Variants in DYRK1A observed in about 807,000 individuals in gnomAD.
DYRK1A encodes dual specificity tyrosine-phosphorylation-regulated kinase 1A.
A neutral mutation model predicts 79.7 loss-of-function variants in DYRK1A; 9 were observed. That is an observed-to-expected ratio of 0.11 (90% CI 0.07 to 0.20). The LOEUF is 0.20. Among genes scored for constraint, DYRK1A ranks in the 10% least tolerant of loss-of-function variants. DYRK1A has a pLI of 1.00. For missense variants in DYRK1A, 622 were observed against 956.0 expected, an observed-to-expected ratio of 0.65 and a Z score of 4.61; for synonymous variants, 349 against 329.7, an observed-to-expected ratio of 1.06 and a Z score of -0.63.
intron 1 of DYRK1A, chr21:37,419,807 G>A (rs970804478): frequency 6.6e-6 from 1 of 152,196 alleles, no homozygotes; most frequent in African/African-American, 2.4e-5. Context: ...TTGTGGACTT[G>A]GGGGAGCGGT....
chr21:37,391,856 C>T lies in DYRK1A; in HGVS notation c.-77+24228C>T, dbSNP rs531765895. On this transcript the variant is annotated intron_variant, in intron 1 of 11. Coordinates refer to ENST00000647188, the MANE Select transcript of DYRK1A (RefSeq NM_001347721.2). The stretch of plus-strand genomic sequence containing the variant: ...GGAGCATACTGTGCTTTTCTGATAA[C>T]GTTTTCTATATGGCACAGAGCCTCT... Among the ~76,000 whole-genome samples, 103 of 152,318 alleles carry T rather than the reference C, an allele frequency of 6.8e-4. 1 individual carries two copies. The highest frequency in any genetic ancestry group is 2.4e-3 in the African/African-American group (99 of 41,558).
At chr21:37,510,067 G>GT (rs2053706943) in intron 11 of DYRK1A, among the ~76,000 whole-genome samples, 1 of 152,226 alleles carries the variant, frequency 6.6e-6, no homozygotes, top group Non-Finnish European at 1.5e-5. Context: ...GTCCTCTGCA[G>GT]TTTCAGGCAT....
At position 37,517,947 on chromosome 21, in the gene DYRK1A, TTGG is replaced by T. The variant is rs1225874398; in HGVS notation, c.*5422_*5424del. The T allele has an allele frequency of 6.6e-6, 1 of 152,188 alleles. No homozygotes were observed. Among genetic ancestry groups the T allele is most frequent in the Non-Finnish European group, 1.5e-5 (1 of 68,050 alleles). The allele number at this position is 152,188 out of a possible 1,614,324, so 9.4% of individuals were successfully genotyped here. A position where few individuals can be genotyped will look rare whatever the true frequency, so the allele number is the denominator to read the frequency against. ...CTGGCTTTGTCACGCAAGCTGGAGT[TTGG>T]TGGTGTGATTGCAGCTCACTGCAGC... On this transcript the variant is annotated 3_prime_UTR_variant, in exon 12 of 12. Coordinates refer to ENST00000647188, the MANE Select transcript of DYRK1A (RefSeq NM_001347721.2).
chr21:37,495,152 TTGTGTGTGTG>T (rs56226706), intron 8 of DYRK1A, among the ~76,000 whole-genome samples: 2,034 of 137,720 alleles, frequency 0.015, 24 homozygotes, highest in South Asian at 0.024. Context: ...CTCTGGGATT[TTGTGTGTGTG>T]TGTGTGTGTG....
In DYRK1A at chr21:37,388,834, C is replaced by T. The variant is rs1022589636; in HGVS notation, c.-77+21206C>T. Among the ~76,000 whole-genome samples the T allele has an allele frequency of 2.6e-5, 4 of 151,608 alleles. No homozygotes were observed. In the South Asian group the frequency reaches 8.4e-4, roughly 32 times the overall value. The stretch of plus-strand genomic sequence containing the variant: ...TAATTTTTTGTATTTTTAGTAGAGA[C>T]GGGGTTTCACTGTGTTAGCCAGGTT... On this transcript the variant is annotated intron_variant, in intron 1 of 11. Coordinates refer to ENST00000647188, the MANE Select transcript of DYRK1A (RefSeq NM_001347721.2).
intron 1 of DYRK1A, among the ~76,000 whole-genome samples, chr21:37,381,861 T>A (rs973448433): frequency 3.3e-5 from 5 of 152,190 alleles, no homozygotes; most frequent in Non-Finnish European, 4.4e-5. Context: ...ACAGAATAGT[T>A]CATTTGGATT....
At chr21:37,406,441 A>G (rs1037886360) in intron 1 of DYRK1A, among the ~76,000 whole-genome samples, 2 of 152,138 alleles carry the variant, frequency 1.3e-5, no homozygotes, top group African/African-American at 4.8e-5. Context: ...CAAGTCTGTA[A>G]TCCTAGTGCT....
intron 2 of DYRK1A, among the ~76,000 whole-genome samples, chr21:37,443,412 C>T (rs2051168883): frequency 6.6e-6 from 1 of 152,186 alleles, no homozygotes; most frequent in African/African-American, 2.4e-5. Context: ...TGTCTTTCTG[C>T]TTTTGTGCGT....
At position 37,434,318 on chromosome 21, in the gene DYRK1A, G is replaced by A. The variant is rs16995107; in HGVS notation, c.10+13934G>A. 9.1e-3 allele frequency among the ~76,000 whole-genome samples: 1,378 copies of A among 152,256 alleles called. 19 individuals carry two copies. The highest frequency in any genetic ancestry group is 0.032 in the African/African-American group (1,322 of 41,554). ...AATGAATCTGTACTCTATTTAGGAG[G>A]AGATAATTGCTAGGCTAGGTGGGAC... is the stretch of plus-strand genomic sequence containing the variant. On this transcript the variant is annotated intron_variant, in intron 2 of 11. Coordinates refer to ENST00000647188, the MANE Select transcript of DYRK1A (RefSeq NM_001347721.2).
At chr21:37,425,756 C>G (rs1023203500) in intron 2 of DYRK1A, 2 of 152,176 alleles carry the variant, frequency 1.3e-5, no homozygotes, top group Non-Finnish European at 2.9e-5. Flanking sequence ...ACTAGGTGAA[C>G]AGTATCCCCA....
intron 1 of DYRK1A, among the ~76,000 whole-genome samples, chr21:37,369,848 T>G (rs1244575952): frequency 1.3e-5 from 2 of 152,260 alleles, no homozygotes; most frequent in Non-Finnish European, 2.9e-5. Flanking sequence ...AATATTTTGG[T>G]GGAACCTATT....
intron 1 of DYRK1A, among the ~76,000 whole-genome samples, chr21:37,395,718 A>G (rs2049949007): frequency 6.6e-6 from 1 of 152,122 alleles, no homozygotes; most frequent in African/African-American, 2.4e-5. Context: ...TTTTGGCTAT[A>G]TTATTTTAAT....
At position 37,487,009 on chromosome 21, in the gene DYRK1A, G is replaced by C. The variant is rs765392876; in HGVS notation, c.637+395G>C. 50 of 153,578 alleles carry C rather than the reference G, an allele frequency of 3.3e-4. 1 individual carries two copies. Among genetic ancestry groups the C allele is most frequent in the South Asian group, 1.0e-3 (5 of 4,838 alleles). The allele number at this position is 153,578 out of a possible 1,614,324, so 9.5% of individuals were successfully genotyped here. On this transcript the variant is annotated intron_variant, in intron 6 of 11. Coordinates refer to ENST00000647188, the MANE Select transcript of DYRK1A (RefSeq NM_001347721.2). ...TCTTAGTGGTTGTGGAACCATTTTT[G>C]GGGCATCTGCAACAAGATCTCAGGC...
At chr21:37,368,760 T>TA (rs1214749972) in intron 1 of DYRK1A, among the ~76,000 whole-genome samples, 1 of 152,218 alleles carries the variant, frequency 6.6e-6, no homozygotes, top group Non-Finnish European at 1.5e-5. Context: ...CAGAAGGCTG[T>TA]AGCCAGTCTG....
At chr21:37,375,584 G>A (rs2049522833) in intron 1 of DYRK1A, among the ~76,000 whole-genome samples, 1 of 133,224 alleles carries the variant, frequency 7.5e-6, no homozygotes. Flanking sequence ...GGAGTGCAGT[G>A]GCACAATTTC....
chr21:37,500,295 G>A (rs2053403112), intron 9 of DYRK1A, among the ~76,000 whole-genome samples: 1 of 152,072 alleles, frequency 6.6e-6, no homozygotes, highest in Non-Finnish European at 1.5e-5. Flanking sequence ...TTTTTTGAAT[G>A]TTAAGCCCCA....
intron 10 of DYRK1A, 99 bp from the exon 11 acceptor site, chr21:37,506,000 T>A (rs1458680122): frequency 7.4e-7 from 1 of 1,357,704 alleles, no homozygotes; most frequent in Non-Finnish European, 9.9e-7. Flanking sequence ...TGTGTGTGTG[T>A]GAGTACTTTC....
chr21:37,511,878 C>G (rs1379345743), intron 11 of DYRK1A, 33 bp from the exon 12 acceptor site: 1 of 1,592,774 alleles, frequency 6.3e-7, no homozygotes, highest in African/African-American at 1.3e-5. Context: ...AAACAGTCCT[C>G]TGAAAAATCC....
chr21:37,488,437 T>A, intron 6 of DYRK1A: 1 of 709,864 alleles, frequency 1.4e-6, no homozygotes, highest in African/African-American at 1.9e-5. Context: ...AGTTTTATTG[T>A]CTTGTCTTTG....
Sources: gnomAD v4.1 joint callset for allele counts (sites outside exome capture counted in the v4.1 genomes callset) on GRCh38, gnomAD v4.1.1 for gene constraint, MANE v1.5 for transcripts, NCBI Gene and HGNC (gene_info 2026-07-23, HGNC 2026-07-21) for gene names.